The following FBXW4 variants were observed in gnomAD, a reference collection of about 807,000 sequenced individuals.
FBXW4 encodes F-box and WD repeat domain containing 4, also known as F-box/WD repeat-containing protein 4.
FBXW4 carries 40 observed loss-of-function variants against 61.8 expected under a neutral mutation model. The observed-to-expected ratio is 0.65, with a 90% CI of 0.50 to 0.84. FBXW4 has a LOEUF of 0.84. FBXW4 is among the 40% of genes least tolerant of loss of function. FBXW4 has a pLI of 0.00. For missense variants in FBXW4, 672 were observed against 753.8 expected (o/e 0.89, Z 1.27); for synonymous variants, 311 against 313.8 (o/e 0.99, Z 0.10).
chr10:101,615,917 G>A (rs1430228456), intron 6 of FBXW4, among the ~76,000 whole-genome samples: 4 of 152,136 alleles, frequency 2.6e-5, no homozygotes, highest in Admixed American at 6.5e-5. Flanking sequence ...CCCAACAGCC[G>A]CCTGTACTAG....
At chr10:101,652,479 G>T (rs576165705) in intron 5 of FBXW4, among the ~76,000 whole-genome samples, 9 of 148,542 alleles carry the variant, frequency 6.1e-5, no homozygotes, top group African/African-American at 2.2e-4. Context: ...CCACTGCCTG[G>T]TTTTGTGAGC....
intron 4 of FBXW4, among the ~76,000 whole-genome samples, 170 bp downstream of exon 4, chr10:101,672,745 C>A (rs2064369436): frequency 6.6e-6 from 1 of 152,166 alleles, no homozygotes; most frequent in African/African-American, 2.4e-5. Context: ...AGGGACAACG[C>A]CTGGCATGGC....
intron 4 of FBXW4, among the ~76,000 whole-genome samples, chr10:101,672,687 G>A (rs2064368872): frequency 6.6e-6 from 1 of 152,180 alleles, no homozygotes; most frequent in Non-Finnish European, 1.5e-5. Context: ...TTGCAAGTGA[G>A]TGGCAACCTT....
At chr10:101,626,072 G>C (rs2063905179) in intron 5 of FBXW4, 1 of 152,284 alleles carries the variant, frequency 6.6e-6, no homozygotes, top group South Asian at 2.1e-4. Flanking sequence ...TTGCAGGGCA[G>C]GTGTCTGCTC....
chr10:101,686,680 G>A (rs997502133), intron 1 of FBXW4, among the ~76,000 whole-genome samples: 9 of 152,144 alleles, frequency 5.9e-5, no homozygotes, highest in African/African-American at 2.2e-4. Context: ...TCATGAAACT[G>A]TGTTCTATAT....
intron 6 of FBXW4, among the ~76,000 whole-genome samples, chr10:101,618,708 C>CCCCA (rs2063844520): frequency 6.6e-6 from 1 of 152,116 alleles, no homozygotes; most frequent in South Asian, 2.1e-4. Context: ...CCACCCCTTT[C>CCCCA]CCCACCCCAC....
chr10:101,611,618 G>T lies in FBXW4; in HGVS notation c.1584+10C>A. On this transcript the variant is annotated intron_variant, in intron 8 of 8. Transcript: ENST00000331272. This position sits in a 1 kb window ranked among gnomAD's most constrained non-coding sequence, Gnocchi z 4.9. ...TGGCATGCTGGAGAAGAGGTGGGCA[G>T]GACACTTACGTGCAGGCAGGCCCTT... The T allele has an allele frequency of 6.2e-7, 1 of 1,613,808 alleles. No individual in the cohort carries two copies. The highest frequency in any genetic ancestry group is 8.5e-7 in the Non-Finnish European group (1 of 1,179,740).
At chr10:101,630,777 C>G (rs2063947668) in intron 5 of FBXW4, among the ~76,000 whole-genome samples, 1 of 152,094 alleles carries the variant, frequency 6.6e-6, no homozygotes, top group African/African-American at 2.4e-5. Flanking sequence ...AACAGGGCAC[C>G]CTGGGTCACC....
At chr10:101,619,057 C>T (rs1426672768) in intron 6 of FBXW4, among the ~76,000 whole-genome samples, 1 of 152,162 alleles carries the variant, frequency 6.6e-6, no homozygotes, top group Non-Finnish European at 1.5e-5. Flanking sequence ...CCTGCTCAAA[C>T]ATAGAGAACA....
At chr10:101,637,166 G>A (rs191563869) in intron 5 of FBXW4, among the ~76,000 whole-genome samples, 8 of 139,186 alleles carry the variant, frequency 5.7e-5, no homozygotes, top group Non-Finnish European at 1.1e-4. Flanking sequence ...GGCGGATCAC[G>A]AGGTCAGGAG....
At position 101,694,673 on chromosome 10, in the gene FBXW4, C is replaced by T. The variant is rs1324776514; in HGVS notation, c.433G>A (p.Ala145Thr). 6.4e-6 allele frequency: 9 copies of T among 1,399,552 alleles called. No homozygotes were observed. Among genetic ancestry groups the T allele is most frequent in the Non-Finnish European group, 7.4e-6 (8 of 1,087,048 alleles). 86.7% of individuals were successfully genotyped at this position (1,399,552 alleles called of 1,614,324 possible). A position where few individuals can be genotyped will look rare whatever the true frequency, so the allele number is the denominator to read the frequency against. The change falls in exon 1 of 9, where the codon GCT (alanine) becomes ACT (threonine). Residue 145 changes from alanine to threonine, a missense_variant. Around this residue, in one of 5 missense-constraint regions of FBXW4, gnomAD observed 311 missense variants for 301.1 expected, o/e 1.03. Coordinates refer to ENST00000331272, the MANE Select transcript of FBXW4 (RefSeq NM_022039.4). This position sits in a 1 kb window ranked among gnomAD's most constrained non-coding sequence, Gnocchi z 6.0. ...CCTGTCCCCGCGATGTCGGCCCAAG[C>T]CTGACCCCCTCGTCCCTGTGCTCTT... ...PGRAQGRGGQAWADIAGTGVA... is the reference protein window; with the variant it reads ...PGRAQGRGGQTWADIAGTGVA...
chr10:101,636,220 G>A (rs1413707210), intron 5 of FBXW4, among the ~76,000 whole-genome samples: 1 of 151,770 alleles, frequency 6.6e-6, no homozygotes, highest in African/African-American at 2.4e-5. Flanking sequence ...AGCTGGGGGT[G>A]GTGGCGTGCA....
intron 4 of FBXW4, among the ~76,000 whole-genome samples, chr10:101,670,778 G>C (rs1482309666): frequency 6.6e-6 from 1 of 152,218 alleles, no homozygotes; most frequent in Non-Finnish European, 1.5e-5. Context: ...GCTACCAGCT[G>C]TTCACATCTC....
intron 5 of FBXW4, among the ~76,000 whole-genome samples, chr10:101,655,762 C>A (rs959223487): frequency 6.6e-6 from 1 of 152,182 alleles, no homozygotes; most frequent in Admixed American, 6.5e-5. Flanking sequence ...TGGACTGGAC[C>A]CTCTCCAGCC....
At chr10:101,686,800 A>G (rs927733180) in intron 1 of FBXW4, among the ~76,000 whole-genome samples, 1 of 152,166 alleles carries the variant, frequency 6.6e-6, no homozygotes, top group African/African-American at 2.4e-5. Context: ...TCACCCAGCA[A>G]GTTTTTACAT....
chr10:101,694,567 C>T lies in FBXW4; in HGVS notation c.539G>A (p.Gly180Glu), dbSNP rs753427358. 6 of 1,474,754 alleles carry T rather than the reference C, an allele frequency of 4.1e-6. No homozygotes were observed. The highest frequency in any genetic ancestry group is 1.3e-5 in the South Asian group (1 of 76,104). 91.4% of individuals were successfully genotyped at this position (1,474,754 alleles called of 1,614,324 possible). ...CTCCGGCAGGCGCCAGAGCGCAGGC[C>T]CCGCGGCCGGGCGGGCAGCCGACTC... is the stretch of plus-strand genomic sequence containing the variant. ...ARESAARPAAGPALWRLPEEL... is the reference protein window; with the variant it reads ...ARESAARPAAEPALWRLPEEL... Residue 180 changes from glycine to glutamate, a missense_variant, in exon 1 of 9, where the codon GGG (glycine) becomes GAG (glutamate). Physicochemically the swap from Gly to Glu is moderately conservative, Grantham distance 98. Coordinates refer to ENST00000331272, the MANE Select transcript of FBXW4 (RefSeq NM_022039.4). The surrounding 1 kb of genome is among the most constrained non-coding windows in gnomAD (Gnocchi z 6.0).
chr10:101,672,428 CT>C (rs2064366527), intron 4 of FBXW4, among the ~76,000 whole-genome samples: 1 of 152,196 alleles, frequency 6.6e-6, no homozygotes, highest in Non-Finnish European at 1.5e-5. Context: ...AACAACACCC[CT>C]CTCTCATCGT....
At chr10:101,687,071 T>A (rs529864908) in intron 1 of FBXW4, among the ~76,000 whole-genome samples, 1 of 152,142 alleles carries the variant, frequency 6.6e-6, no homozygotes, top group Non-Finnish European at 1.5e-5. Context: ...CATTACAGGG[T>A]TAGTGAGCAG....
chr10:101,657,525 T>C (rs564858431), intron 5 of FBXW4, among the ~76,000 whole-genome samples: 3 of 150,746 alleles, frequency 2.0e-5, no homozygotes, highest in South Asian at 2.1e-4. Context: ...TACCAGCTAC[T>C]TGGGGGGCTG....
Sources: gnomAD v4.1 joint callset for allele counts (sites outside exome capture counted in the v4.1 genomes callset) on GRCh38, gnomAD v4.1.1 for gene constraint, gnomAD v4.1.1 regional missense constraint, Gnocchi (gnomAD v3.1) non-coding constraint, MANE v1.5 for transcripts, NCBI Gene and HGNC (gene_info 2026-07-23, HGNC 2026-07-21) for gene names.